Variants in PEMT observed in about 807,000 individuals in gnomAD.
The protein encoded by PEMT is phosphatidylethanolamine N-methyltransferase.
Under a neutral mutation model 27.4 loss-of-function variants are expected in PEMT, and 23 were observed. That is an observed-to-expected ratio of 0.84 (90% CI 0.60 to 1.19). The LOEUF is 1.19. Ranked by LOEUF, PEMT falls within the 50% of genes most tolerant of loss-of-function variation. PEMT has a pLI of 0.00. For missense variants in PEMT, 307 were observed against 310.1 expected (o/e 0.99, Z 0.07); for synonymous variants, 137 against 139.1 (o/e 0.98, Z 0.11).
chr17:17,560,271 A>T (rs1910379422), intron 2 of PEMT, among the ~76,000 whole-genome samples: 1 of 152,164 alleles, frequency 6.6e-6, no homozygotes. Context: ...GGTGCAGGAG[A>T]AATGTGCCCT....
intron 1 of PEMT, among the ~76,000 whole-genome samples, chr17:17,585,564 G>T (rs901503385): frequency 1.3e-5 from 2 of 152,076 alleles, no homozygotes; most frequent in African/African-American, 4.8e-5. Context: ...CCTAATACCT[G>T]CCACCCCGCT....
chr17:17,543,219 G>A (rs1909014818), intron 2 of PEMT, among the ~76,000 whole-genome samples: 5 of 152,228 alleles, frequency 3.3e-5, no homozygotes, highest in Admixed American at 2.6e-4. Context: ...ACCACTGACC[G>A]TCCACTGCCA....
Position 17,505,604 on chromosome 17 carries a change from G to T in PEMT, c.*187C>A. On this transcript the variant is annotated 3_prime_UTR_variant, in exon 7 of 7. Transcript: ENST00000255389. ...TTTATTGGTGAATGGGAATGTGTGGGTTGGAGCTCAATGGCCATATGTCGG... is the reference window on the plus strand; with the variant it reads ...TTTATTGGTGAATGGGAATGTGTGGTTTGGAGCTCAATGGCCATATGTCGG... 4.0e-6 allele frequency: 2 copies of T among 506,076 alleles called. No individual in the cohort carries two copies. Among genetic ancestry groups the T allele is most frequent in the Non-Finnish European group, 6.6e-6 (2 of 301,392 alleles). The allele number at this position is 506,076 out of a possible 1,614,324, so 31.3% of individuals were successfully genotyped here.
intron 3 of PEMT, among the ~76,000 whole-genome samples, chr17:17,515,724 A>G (rs1034858348): frequency 2.0e-5 from 3 of 152,288 alleles, no homozygotes; most frequent in Non-Finnish European, 4.4e-5. Flanking sequence ...AGGGAAAATT[A>G]GTGGATGGAT....
At chr17:17,575,406 A>G (rs1349378917) in intron 2 of PEMT, among the ~76,000 whole-genome samples, 3 of 152,202 alleles carry the variant, frequency 2.0e-5, no homozygotes, top group African/African-American at 7.2e-5. Context: ...CCTTCACAGG[A>G]TGTGGACGTC....
intron 2 of PEMT, among the ~76,000 whole-genome samples, chr17:17,562,247 G>A (rs1256093199): frequency 1.3e-5 from 2 of 152,246 alleles, no homozygotes; most frequent in African/African-American, 4.8e-5. Flanking sequence ...TAACACCAGT[G>A]CTGCCCCTTA....
At chr17:17,543,419 C>T (rs973312940) in intron 2 of PEMT, among the ~76,000 whole-genome samples, 1 of 152,330 alleles carries the variant, frequency 6.6e-6, no homozygotes, top group African/African-American at 2.4e-5. Flanking sequence ...GGAGCTCCTG[C>T]GGCACTGGGA....
intron 3 of PEMT, among the ~76,000 whole-genome samples, chr17:17,521,513 A>G (rs1447363696): frequency 6.6e-6 from 1 of 152,020 alleles, no homozygotes; most frequent in Non-Finnish European, 1.5e-5. Flanking sequence ...TTCATTTGAC[A>G]GCAGGAAGGT....
chr17:17,586,503 A>C (rs949286859), intron 1 of PEMT, among the ~76,000 whole-genome samples: 1 of 152,208 alleles, frequency 6.6e-6, no homozygotes, highest in African/African-American at 2.4e-5. Context: ...CACAGAATTA[A>C]ACTCGAAATC....
chr17:17,518,647 A>G (rs1217330156), intron 3 of PEMT, among the ~76,000 whole-genome samples: 1 of 152,158 alleles, frequency 6.6e-6, no homozygotes, highest in East Asian at 1.9e-4. Flanking sequence ...CCTCTCGGAC[A>G]TCCCATCCAT....
intron 4 of PEMT, among the ~76,000 whole-genome samples, chr17:17,510,710 G>A (rs1312416182): frequency 6.6e-6 from 1 of 152,216 alleles, no homozygotes; most frequent in African/African-American, 2.4e-5. Context: ...CCGCCAGGAG[G>A]CTGTGGCCAC....
chr17:17,528,884 A>G (rs1907891944), intron 2 of PEMT, among the ~76,000 whole-genome samples: 1 of 152,248 alleles, frequency 6.6e-6, no homozygotes, highest in African/African-American at 2.4e-5. Context: ...GCCCAGGCCC[A>G]GCAGCATGAG....
At chr17:17,578,232 C>T (rs1449797581) in intron 1 of PEMT, among the ~76,000 whole-genome samples, 3 of 150,946 alleles carry the variant, frequency 2.0e-5, no homozygotes, top group East Asian at 2.0e-4. Context: ...TGCAGTGGCG[C>T]GTTCATAGCT....
chr17:17,532,679 A>G (rs1175838645), intron 2 of PEMT, among the ~76,000 whole-genome samples: 1 of 152,242 alleles, frequency 6.6e-6, no homozygotes, highest in East Asian at 1.9e-4. Context: ...CCATATGGAT[A>G]TTTAAGGGTC....
intron 2 of PEMT, among the ~76,000 whole-genome samples, chr17:17,537,016 C>G (rs1908521162): frequency 6.6e-6 from 1 of 152,232 alleles, no homozygotes; most frequent in Non-Finnish European, 1.5e-5. Context: ...CCCTTACAGG[C>G]CGGGGGGCAC....
chr17:17,544,739 C>T (rs923599346), intron 2 of PEMT, among the ~76,000 whole-genome samples: 4 of 152,298 alleles, frequency 2.6e-5, no homozygotes, highest in African/African-American at 9.6e-5. Flanking sequence ...AAAATGGAGG[C>T]AGAACAGGGC....
chr17:17,567,685 G>A (rs187491554), intron 2 of PEMT, among the ~76,000 whole-genome samples: 4 of 152,360 alleles, frequency 2.6e-5, no homozygotes, highest in South Asian at 2.1e-4. Context: ...AGACAGGAGC[G>A]GGGGAGAGCT....
intron 2 of PEMT, among the ~76,000 whole-genome samples, chr17:17,538,017 G>C (rs1490599858): frequency 2.0e-5 from 3 of 152,230 alleles, no homozygotes; most frequent in Non-Finnish European, 4.4e-5. Flanking sequence ...CTCAGGAAGG[G>C]ACAGCTGCTG....
intron 2 of PEMT, among the ~76,000 whole-genome samples, chr17:17,555,745 G>A (rs1910006988): frequency 2.6e-5 from 4 of 152,168 alleles, no homozygotes; most frequent in African/African-American, 9.7e-5. Flanking sequence ...GCCAGCCCCT[G>A]TGCTGCCCTC....
Sources: gnomAD v4.1 joint callset for allele counts (sites outside exome capture counted in the v4.1 genomes callset) on GRCh38, gnomAD v4.1.1 for gene constraint, MANE v1.5 for transcripts, NCBI Gene and HGNC (gene_info 2026-07-23, HGNC 2026-07-21) for gene names.